FRMPD2: variants seen among roughly 807,000 people sequenced by gnomAD.
FRMPD2 encodes the protein FERM and PDZ domain containing 2.
FRMPD2 carries 96 observed loss-of-function variants against 140.1 expected under a neutral mutation model. The observed-to-expected ratio is 0.69, with a 90% CI of 0.58 to 0.81. FRMPD2 has a LOEUF of 0.81. FRMPD2 is among the 40% of genes least tolerant of loss of function. The pLI is 0.00. For missense variants in FRMPD2, 1,240 were observed against 1,447.4 expected, an observed-to-expected ratio of 0.86 and a Z score of 2.32; for synonymous variants, 449 against 547.6, an observed-to-expected ratio of 0.82 and a Z score of 2.52.
At chr10:48,227,302 A>G (rs573523948) in intron 10 of FRMPD2, among the ~76,000 whole-genome samples, 5 of 152,106 alleles carry the variant, frequency 3.3e-5, no homozygotes, top group Non-Finnish European at 7.4e-5. Context: ...CTCTCCTTTC[A>G]TCTTGTTTTA....
intron 16 of FRMPD2, among the ~76,000 whole-genome samples, chr10:48,187,823 G>A (rs578177527): frequency 6.6e-6 from 1 of 152,298 alleles, no homozygotes; most frequent in South Asian, 2.1e-4. Flanking sequence ...CTTGATCATT[G>A]TACATGTTGT....
chr10:48,170,844 T>C (rs1240708955), intron 26 of FRMPD2, 150 bp downstream of exon 26: 1 of 701,012 alleles, frequency 1.4e-6, no homozygotes, highest in Admixed American at 2.1e-5. Context: ...TGTGAGCATG[T>C]ACCACTAATT....
At chr10:48,186,982 G>T (rs1186452064) in intron 17 of FRMPD2, among the ~76,000 whole-genome samples, 1 of 152,060 alleles carries the variant, frequency 6.6e-6, no homozygotes, top group Non-Finnish European at 1.5e-5. Context: ...GATTGTCTTC[G>T]CCAGAGCTGA....
chr10:48,238,556 T>A (rs920852492), intron 7 of FRMPD2, among the ~76,000 whole-genome samples: 1 of 152,198 alleles, frequency 6.6e-6, no homozygotes, highest in African/African-American at 2.4e-5. Flanking sequence ...GAAAATAAAG[T>A]TTTAAATGGC....
intron 27 of FRMPD2, among the ~76,000 whole-genome samples, chr10:48,167,577 AC>A (rs1838129585): frequency 8.5e-6 from 1 of 117,546 alleles, no homozygotes; most frequent in Admixed American, 9.1e-5. Context: ...CACCTCAGTC[AC>A]CCTCACAGGG....
At chr10:48,265,425 A>C (rs1317169978) in intron 1 of FRMPD2, among the ~76,000 whole-genome samples, 1 of 152,228 alleles carries the variant, frequency 6.6e-6, no homozygotes, top group Non-Finnish European at 1.5e-5. Flanking sequence ...TACAGTAAAC[A>C]GACAACCTAC....
chr10:48,259,764 T>C (rs1325743331), intron 1 of FRMPD2, among the ~76,000 whole-genome samples: 1 of 151,958 alleles, frequency 6.6e-6, no homozygotes, highest in African/African-American at 2.4e-5. Context: ...AGCAAGTACA[T>C]ACCCTTTTCT....
chr10:48,221,161 T>TG (rs1303128331), intron 12 of FRMPD2, among the ~76,000 whole-genome samples: 1 of 152,046 alleles, frequency 6.6e-6, no homozygotes, highest in Non-Finnish European at 1.5e-5. Flanking sequence ...GCAGCACAAT[T>TG]CCCAATTGCA....
chr10:48,201,686 C>G (rs550905901), intron 14 of FRMPD2: 7 of 198,680 alleles, frequency 3.5e-5, no homozygotes, highest in Non-Finnish European at 5.1e-5. Flanking sequence ...AAGGACGGAA[C>G]CTAACCCTCA....
At chr10:48,249,907 A>G (rs1840335497) in intron 2 of FRMPD2, among the ~76,000 whole-genome samples, 1 of 148,862 alleles carries the variant, frequency 6.7e-6, no homozygotes. Context: ...CTTTCTCATT[A>G]GAGGGCTCTG....
chr10:48,196,988 C>T (rs956283299), intron 15 of FRMPD2, among the ~76,000 whole-genome samples: 1 of 152,210 alleles, frequency 6.6e-6, no homozygotes, highest in African/African-American at 2.4e-5. Context: ...ACACTGTTCT[C>T]AGCAATAGCA....
Position 48,243,293 on chromosome 10 carries a change from G to A in FRMPD2, c.376-941C>T, listed in dbSNP as rs557087486. 2.0e-5 allele frequency among the ~76,000 whole-genome samples: 3 copies of A among 152,360 alleles called. No individual in the cohort carries two copies. In the East Asian group the frequency reaches 5.8e-4, roughly 29 times the overall value. ...GCACAGGCCATGGCACTAATGTAGAGGAAGGGGCTTAGCCAAGGCTAGAGT... is the reference window on the plus strand; with the variant it reads ...GCACAGGCCATGGCACTAATGTAGAAGAAGGGGCTTAGCCAAGGCTAGAGT... On this transcript the variant is annotated intron_variant, in intron 4 of 28. Transcript: ENST00000374201.
At chr10:48,227,774 T>C (rs1839757514) in intron 10 of FRMPD2, among the ~76,000 whole-genome samples, 1 of 152,242 alleles carries the variant, frequency 6.6e-6, no homozygotes, top group Non-Finnish European at 1.5e-5. Context: ...TAAACACTTT[T>C]ATAAATTAAC....
chr10:48,187,260 G>A lies in FRMPD2; in HGVS notation c.2198C>T (p.Ala733Val). 1 of 1,614,032 alleles carries A rather than the reference G, an allele frequency of 6.2e-7. No individual in the cohort carries two copies. The highest frequency in any genetic ancestry group is 8.5e-7 in the Non-Finnish European group (1 of 1,179,976). The part of the protein sequence containing the change: ...PCTGREQLKS[A>V]CVIQKPMTWD... ...GGTCATTGGCTTCTGGATCACACAGGCACTCTTCAGCTGCTCCCGGCCAGT... is the reference window on the plus strand; with the variant it reads ...GGTCATTGGCTTCTGGATCACACAGACACTCTTCAGCTGCTCCCGGCCAGT... Residue 733 changes from alanine to valine, a missense_variant, in exon 17 of 29, where the codon GCC becomes GTC. Physicochemically the swap from Ala to Val is moderately conservative, Grantham distance 64. Transcript: ENST00000374201.
intron 1 of FRMPD2, among the ~76,000 whole-genome samples, chr10:48,253,409 T>C (rs535966276): frequency 2.0e-5 from 3 of 152,260 alleles, no homozygotes; most frequent in African/African-American, 4.8e-5. Flanking sequence ...CCCAATAAAA[T>C]GAACAGCTGA....
chr10:48,248,977 C>T, intron 3 of FRMPD2, 44 bp downstream of exon 3: 2 of 1,529,684 alleles, frequency 1.3e-6, no homozygotes, highest in South Asian at 2.6e-5. Context: ...AGGCCTTTCC[C>T]AGGGCACAGG....
intron 7 of FRMPD2, among the ~76,000 whole-genome samples, chr10:48,239,006 C>A (rs1334795406): frequency 1.3e-5 from 2 of 151,782 alleles, no homozygotes; most frequent in Non-Finnish European, 2.9e-5. Flanking sequence ...CTCTCTGTCT[C>A]TCTGTCTCTC....
intron 12 of FRMPD2, among the ~76,000 whole-genome samples, chr10:48,219,456 A>G (rs1839530156): frequency 6.6e-6 from 1 of 152,022 alleles, no homozygotes; most frequent in Admixed American, 6.5e-5. Flanking sequence ...TCCTACTGAT[A>G]CACCCAGAGA....
chr10:48,209,549 A>G (rs1406640719), intron 13 of FRMPD2, among the ~76,000 whole-genome samples: 1 of 152,232 alleles, frequency 6.6e-6, no homozygotes, highest in African/African-American at 2.4e-5. Context: ...AAGAGCCATG[A>G]GGAGCTATAA....
Sources: allele counts gnomAD v4.1 joint callset (sites outside exome capture counted in the v4.1 genomes callset), GRCh38; gene constraint gnomAD v4.1.1; transcripts MANE v1.5; gene names NCBI Gene and HGNC (gene_info 2026-07-23, HGNC 2026-07-21).